CD8B2: variants seen among roughly 807,000 people sequenced by gnomAD.
CD8B2 encodes the protein T-cell surface glycoprotein CD8 beta-2 chain.
CD8B2 carries 11 observed loss-of-function variants against 23.7 expected under a neutral mutation model. The ratio of observed to expected loss-of-function variants is 0.46; its 90% CI spans 0.29 to 0.77. CD8B2 has a LOEUF of 0.77. CD8B2 is among the 30% of genes least tolerant of loss of function. The pLI is 0.09. For missense variants in CD8B2, 197 were observed against 270.5 expected, an observed-to-expected ratio of 0.73 and a Z score of 1.91; for synonymous variants, 90 against 109.3, an observed-to-expected ratio of 0.82 and a Z score of 1.10.
downstream of CD8B2, among the ~76,000 whole-genome samples, chr2:106,513,402 G>A (rs1037068380): frequency 4.6e-5 from 7 of 151,974 alleles, no homozygotes; most frequent in South Asian, 2.1e-4. Context: ...TGCCAGCCCC[G>A]GACAGACCAG....
At chr2:106,503,412 A>G (rs1679451286) in intron 4 of CD8B2, among the ~76,000 whole-genome samples, 1 of 152,026 alleles carries the variant, frequency 6.6e-6, no homozygotes, top group African/African-American at 2.4e-5. Flanking sequence ...TTTTGCCTAC[A>G]ATTGTTCCCC....
At chr2:106,526,729 C>T (rs1009529520) in intron 5 of CD8B2, among the ~76,000 whole-genome samples, 2 of 152,090 alleles carry the variant, frequency 1.3e-5, no homozygotes, top group Admixed American at 6.5e-5. Context: ...CGGCTCACTG[C>T]AACCTCTGCC....
downstream of CD8B2, among the ~76,000 whole-genome samples, chr2:106,512,400 AC>A (rs1325151094): frequency 4.0e-5 from 6 of 151,756 alleles, no homozygotes; most frequent in Non-Finnish European, 7.4e-5. Context: ...TTAATTGTAG[AC>A]CATTTCCACT....
At chr2:106,543,228 A>C (rs570440253) in intron 5 of CD8B2, 1 of 152,248 alleles carries the variant, frequency 6.6e-6, no homozygotes, top group Non-Finnish European at 1.5e-5. Flanking sequence ...GGTATTTTCA[A>C]ATAAAATATC....
intron 3 of CD8B2, among the ~76,000 whole-genome samples, chr2:106,502,229 A>G (rs1173474612): frequency 7.2e-6 from 1 of 138,406 alleles, no homozygotes; most frequent in African/African-American, 2.7e-5. Context: ...CAGGAGGCGG[A>G]AGTTGCAGTG....
At chr2:106,542,812 C>T (rs1680197244) in intron 5 of CD8B2, among the ~76,000 whole-genome samples, 2 of 151,184 alleles carry the variant, frequency 1.3e-5, no homozygotes, top group African/African-American at 4.9e-5. Flanking sequence ...TGTATATGTA[C>T]GTATGTGTGT....
chr2:106,515,158 A>G (rs937603785), downstream of CD8B2, among the ~76,000 whole-genome samples: 2 of 152,254 alleles, frequency 1.3e-5, no homozygotes, highest in Non-Finnish European at 2.9e-5. Context: ...AATATTAACC[A>G]TCACAGCACC....
intron 2 of CD8B2, among the ~76,000 whole-genome samples, chr2:106,495,055 C>A (rs995510872): frequency 6.6e-6 from 1 of 152,206 alleles, no homozygotes; most frequent in Admixed American, 6.5e-5. Context: ...CGATCCAGCC[C>A]TGGGGCTCAA....
intron 5 of CD8B2, among the ~76,000 whole-genome samples, chr2:106,539,656 A>G (rs1352966503): frequency 6.6e-6 from 1 of 152,174 alleles, no homozygotes; most frequent in Non-Finnish European, 1.5e-5. Context: ...ACCATATCAT[A>G]TTTATCATTG....
In CD8B2 at chr2:106,507,042, T is replaced by A. The variant is rs1472851268; in HGVS notation, c.*102T>A. 3 of 1,498,764 alleles carry A rather than the reference T, an allele frequency of 2.0e-6. No homozygotes were observed. The highest frequency in any genetic ancestry group is 2.7e-6 in the Non-Finnish European group (3 of 1,122,510). 92.8% of individuals were successfully genotyped at this position (1,498,764 alleles called of 1,614,324 possible). ...AGGGACACATTCAACCCTGGAGAGT[T>A]CAATGGCTGCTGAAGCTGCCTGCTT... On this transcript the variant is annotated 3_prime_UTR_variant, in exon 6 of 6. Transcript: ENST00000643224.
intron 5 of CD8B2, among the ~76,000 whole-genome samples, chr2:106,525,707 T>C (rs1679896711): frequency 6.6e-6 from 1 of 152,226 alleles, no homozygotes; most frequent in African/African-American, 2.4e-5. Flanking sequence ...GGATATTTTA[T>C]ATAAATAATG....
chr2:106,505,482 C>T (rs1679486776), intron 5 of CD8B2, among the ~76,000 whole-genome samples: 1 of 152,254 alleles, frequency 6.6e-6, no homozygotes, highest in Admixed American at 6.5e-5. Context: ...TGTGAGGGCT[C>T]ACTGGGGTAT....
At chr2:106,493,215 T>C (rs1679226889) in intron 2 of CD8B2, among the ~76,000 whole-genome samples, 1 of 152,090 alleles carries the variant, frequency 6.6e-6, no homozygotes, top group African/African-American at 2.4e-5. Context: ...AAAGGCCTTT[T>C]AGAGGACAAA....
At chr2:106,517,710 TG>T (rs1679750814) in intron 5 of CD8B2, among the ~76,000 whole-genome samples, 1 of 131,694 alleles carries the variant, frequency 7.6e-6, no homozygotes. Context: ...GTTTTTTTTT[TG>T]TTTTTTTGTT....
At chr2:106,514,536 C>T (rs1679695554), downstream of CD8B2, among the ~76,000 whole-genome samples, 1 of 151,790 alleles carries the variant, frequency 6.6e-6, no homozygotes, top group African/African-American at 2.4e-5. Flanking sequence ...GTCCTCCTGC[C>T]TCGGCCTCCC....
Position 106,508,760 on chromosome 2 carries a change from G to A in CD8B2, c.*1820G>A, listed in dbSNP as rs754578052. On this transcript the variant is annotated 3_prime_UTR_variant, in exon 6 of 6. Transcript: ENST00000643224. ...GCTGAGGTGAATTGACGCCCTATGCGGATGAAGGGATGGCCCGTGCTTGGT... is the reference window on the plus strand; with the variant it reads ...GCTGAGGTGAATTGACGCCCTATGCAGATGAAGGGATGGCCCGTGCTTGGT... 5 of 152,184 alleles carry A rather than the reference G, an allele frequency of 3.3e-5. No homozygotes were observed. The highest frequency in any genetic ancestry group is 1.2e-4 in the African/African-American group (5 of 41,450). The allele number at this position is 152,184 out of a possible 1,614,324, so 9.4% of individuals were successfully genotyped here.
chr2:106,505,210 A>G (rs1232940009), intron 5 of CD8B2, among the ~76,000 whole-genome samples: 1 of 152,198 alleles, frequency 6.6e-6, no homozygotes. Context: ...ACTGTTTCAC[A>G]TCTGCCTATC....
downstream of CD8B2, among the ~76,000 whole-genome samples, chr2:106,514,752 T>TTGTGTGTGTGTGTGTGTGTGTGTG (rs10692298): frequency 6.9e-6 from 1 of 145,446 alleles, no homozygotes; most frequent in Non-Finnish European, 1.5e-5. Flanking sequence ...GTTAAGACTT[T>TTGTGTGTGTGTGTGTGTGTGTGTG]TGTGTGTGTG....
chr2:106,515,589 T>A (rs1160380375), downstream of CD8B2, among the ~76,000 whole-genome samples: 1 of 152,178 alleles, frequency 6.6e-6, no homozygotes, highest in Non-Finnish European at 1.5e-5. Flanking sequence ...ACAACAACTG[T>A]GCCAGCACTT....
Sources: allele counts gnomAD v4.1 joint callset (sites outside exome capture counted in the v4.1 genomes callset), GRCh38; gene constraint gnomAD v4.1.1; transcripts MANE v1.5; gene names NCBI Gene and HGNC (gene_info 2026-07-23, HGNC 2026-07-21).